RALYL: variants seen among roughly 807,000 people sequenced by gnomAD.
RALYL encodes the protein RNA-binding Raly-like protein.
A neutral mutation model predicts 35.1 loss-of-function variants in RALYL; 29 were observed. The observed-to-expected ratio is 0.83, with a 90% CI of 0.61 to 1.13. The LOEUF (loss-of-function observed/expected upper bound fraction) is 1.13, where lower values mean the gene tolerates loss of function less well. RALYL is among the 50% of genes most tolerant of loss of function. RALYL has a pLI of 0.00. For missense variants in RALYL, 359 were observed against 360.4 expected (o/e 1.00, Z 0.03); for synonymous variants, 120 against 127.6 (o/e 0.94, Z 0.40).
chr8:84,836,356 A>G (rs1563710245), intron 4 of RALYL, among the ~76,000 whole-genome samples: 3 of 152,110 alleles, frequency 2.0e-5, no homozygotes. Flanking sequence ...CTTCTTAGCC[A>G]TTTTCTCTTC....
At chr8:84,682,542 T>C (rs1370743942) in intron 2 of RALYL, among the ~76,000 whole-genome samples, 1 of 152,190 alleles carries the variant, frequency 6.6e-6, no homozygotes, top group East Asian at 1.9e-4. Flanking sequence ...TATTCAGAGA[T>C]TCAACTTCTT....
chr8:84,428,308 T>C (rs1261567860), intron 1 of RALYL, among the ~76,000 whole-genome samples: 1 of 152,200 alleles, frequency 6.6e-6, no homozygotes, highest in Non-Finnish European at 1.5e-5. Context: ...TGGTCGTTAA[T>C]CATGAGGGCT....
rs1331346688 is a variant in RALYL, at chr8:84,415,144, C to T, written c.-23-114155C>T. Among the ~76,000 whole-genome samples, 4 of 141,958 alleles carry T rather than the reference C, an allele frequency of 2.8e-5. No individual in the cohort carries two copies. The Admixed American group carries it at 2.8e-4, about 10-fold the overall frequency. The allele number at this position is 141,958 out of a possible 152,430, so 93.1% of individuals were successfully genotyped here. A position where few individuals can be genotyped will look rare whatever the true frequency, so the allele number is the denominator to read the frequency against. ...TAAGGCACTTAATACTCCCTTCACT[C>T]TAATATTCTGCCTCTGTTTTTTTTT... On this transcript the variant is annotated intron_variant, in intron 1 of 8. Transcript: ENST00000521268.
At chr8:84,523,292 T>A (rs1466510132) in intron 1 of RALYL, among the ~76,000 whole-genome samples, 2 of 151,856 alleles carry the variant, frequency 1.3e-5, no homozygotes, top group Admixed American at 6.6e-5. Flanking sequence ...TATAAAACCA[T>A]CAGCTCTCAT....
At chr8:84,343,435 C>T (rs1023719436) in intron 1 of RALYL, among the ~76,000 whole-genome samples, 3 of 151,884 alleles carry the variant, frequency 2.0e-5, no homozygotes, top group Non-Finnish European at 2.9e-5. Flanking sequence ...CCAAATAATA[C>T]AAAATTGAAA....
chr8:84,307,132 A>G (rs887188635), intron 1 of RALYL, among the ~76,000 whole-genome samples: 1 of 152,162 alleles, frequency 6.6e-6, no homozygotes, highest in Non-Finnish European at 1.5e-5. Context: ...TTAAGTACAC[A>G]GGGAGGAATA....
At position 84,529,562 on chromosome 8, in the gene RALYL, G is replaced by A. The variant is rs747588101; in HGVS notation, c.241G>A (p.Ala81Thr). Residue 81 changes from alanine to threonine, a missense_variant, in exon 2 of 9, where the codon GCC becomes ACC. Physicochemically the swap from Ala to Thr is moderately conservative, Grantham distance 58. Coordinates refer to ENST00000521268, the MANE Select transcript of RALYL (RefSeq NM_173848.7). ...AVAGENARVI[A>T]GQPLDINMAG... ...GGCTGGAGAAAATGCCAGAGTCATCGCCGGCCAACCACTTGGTAAGTCATG... is the reference window on the plus strand; with the variant it reads ...GGCTGGAGAAAATGCCAGAGTCATCACCGGCCAACCACTTGGTAAGTCATG... 2.5e-6 allele frequency: 4 copies of A among 1,607,368 alleles called. No homozygotes were observed. Among genetic ancestry groups the A allele is most frequent in the Admixed American group, 1.7e-5 (1 of 59,890 alleles).
intron 1 of RALYL, among the ~76,000 whole-genome samples, chr8:84,413,111 CTA>C (rs1228271030): frequency 6.7e-6 from 1 of 150,066 alleles, no homozygotes; most frequent in East Asian, 1.9e-4. Context: ...TAATTAAAAA[CTA>C]TATAATTATA....
intron 1 of RALYL, among the ~76,000 whole-genome samples, chr8:84,397,678 A>G (rs1028259818): frequency 5.9e-5 from 9 of 152,212 alleles, no homozygotes; most frequent in South Asian, 2.1e-4. Flanking sequence ...TGACTTAAGA[A>G]TAAGACATTT....
At chr8:84,740,037 G>C (rs1235019466) in intron 2 of RALYL, among the ~76,000 whole-genome samples, 1 of 151,850 alleles carries the variant, frequency 6.6e-6, no homozygotes, top group Non-Finnish European at 1.5e-5. Flanking sequence ...AGAAAAAATA[G>C]AATAGAAGAA....
At chr8:84,202,204 GT>G (rs903789663) in intron 1 of RALYL, among the ~76,000 whole-genome samples, 1 of 147,022 alleles carries the variant, frequency 6.8e-6, no homozygotes, top group African/African-American at 2.6e-5. Context: ...TATATTTTTG[GT>G]TTAAAAAAAA....
chr8:84,427,037 T>C (rs1334080868), intron 1 of RALYL, among the ~76,000 whole-genome samples: 6 of 152,180 alleles, frequency 3.9e-5, no homozygotes, highest in African/African-American at 1.4e-4. Context: ...AGCTAGGATA[T>C]GGAAACAACT....
chr8:84,327,516 C>G (rs1376589112), intron 1 of RALYL, among the ~76,000 whole-genome samples: 1 of 152,094 alleles, frequency 6.6e-6, no homozygotes, highest in Non-Finnish European at 1.5e-5. Flanking sequence ...CATATCTGGC[C>G]TGCTACCTCT....
chr8:84,305,024 G>A (rs1395303218), intron 1 of RALYL, among the ~76,000 whole-genome samples: 3 of 152,048 alleles, frequency 2.0e-5, no homozygotes, highest in Non-Finnish European at 4.4e-5. Flanking sequence ...TACAGAGCTG[G>A]TTTGTCACAA....
chr8:84,193,526 T>A (rs1814498206), intron 1 of RALYL, among the ~76,000 whole-genome samples: 1 of 152,222 alleles, frequency 6.6e-6, no homozygotes, highest in Non-Finnish European at 1.5e-5. Flanking sequence ...AGGATGAGGA[T>A]TCTGTGGTAA....
chr8:84,612,781 A>T (rs1399442871), intron 2 of RALYL, among the ~76,000 whole-genome samples: 3 of 151,730 alleles, frequency 2.0e-5, no homozygotes, highest in Admixed American at 2.0e-4. Context: ...TAAACTAGGT[A>T]TAAAAAGAGT....
chr8:84,231,748 C>A lies in RALYL; in HGVS notation c.-24+47324C>A, dbSNP rs373223524. ...TGTTGGGTTATCATTGTCCATCAAA[C>A]TCTTTCAAAGTAGTCATTACATCCT... On this transcript the variant is annotated intron_variant, in intron 1 of 8. Transcript: ENST00000521268. 1.1e-4 allele frequency among the ~76,000 whole-genome samples: 17 copies of A among 152,274 alleles called. No individual in the cohort carries two copies. The East Asian group carries it at 3.3e-3, about 29-fold the overall frequency.
chr8:84,757,552 T>A lies in RALYL; in HGVS notation c.257-17027T>A, dbSNP rs146494362. 6.0e-4 allele frequency among the ~76,000 whole-genome samples: 91 copies of A among 152,298 alleles called. No individual in the cohort carries two copies. In the East Asian group the frequency reaches 0.017, roughly 28 times the overall value. ...TTTAGCTATGCAGGGGCGGCGAATATGATGTACTAACACTTCCATTTAAAA... is the reference window on the plus strand; with the variant it reads ...TTTAGCTATGCAGGGGCGGCGAATAAGATGTACTAACACTTCCATTTAAAA... On this transcript the variant is annotated intron_variant, in intron 2 of 8. Transcript: ENST00000521268.
chr8:84,502,907 A>G (rs539037681), intron 1 of RALYL, among the ~76,000 whole-genome samples: 1 of 133,800 alleles, frequency 7.5e-6, no homozygotes, highest in Non-Finnish European at 1.7e-5. Flanking sequence ...TCAAAGACCC[A>G]CTCTTTAAAA....
Sources: allele counts gnomAD v4.1 joint callset (sites outside exome capture counted in the v4.1 genomes callset), GRCh38; gene constraint gnomAD v4.1.1; transcripts MANE v1.5; gene names NCBI Gene and HGNC (gene_info 2026-07-23, HGNC 2026-07-21).